DCC: variants seen among roughly 807,000 people sequenced by gnomAD.
The protein encoded by DCC is DCC netrin 1 receptor.
A neutral mutation model predicts 172.5 loss-of-function variants in DCC; 58 were observed. That is an observed-to-expected ratio of 0.34 (90% CI 0.27 to 0.42). The LOEUF (loss-of-function observed/expected upper bound fraction) is 0.42, where lower values mean the gene tolerates loss of function less well. DCC is among the 10% of genes least tolerant of loss of function. The pLI is 1.00. For missense variants in DCC, 1,740 were observed against 1,791.0 expected (o/e 0.97, Z 0.51); for synonymous variants, 709 against 644.5 (o/e 1.10, Z -1.52).
intron 1 of DCC, among the ~76,000 whole-genome samples, chr18:52,349,449 C>G (rs1029062207): frequency 6.6e-6 from 1 of 152,166 alleles, no homozygotes; most frequent in Non-Finnish European, 1.5e-5. Context: ...GAAGAATCTG[C>G]AAAGCTTTTC....
At position 52,403,263 on chromosome 18, in the gene DCC, A is replaced by G. The variant is rs531307016; in HGVS notation, c.91+62385A>G. On this transcript the variant is annotated intron_variant, in intron 1 of 28. Transcript: ENST00000442544. ...ACAAGGTAGGCCAGATCCTGGTGAC[A>G]TATCTCAGATTTGTCTTTGTTGTTG... is the stretch of plus-strand genomic sequence containing the variant. Among the ~76,000 whole-genome samples the G allele has an allele frequency of 4.6e-5, 7 of 152,136 alleles. No individual in the cohort carries two copies. In the South Asian group the frequency reaches 1.5e-3, roughly 32 times the overall value.
chr18:52,804,014 G>A (rs898967161), intron 2 of DCC, among the ~76,000 whole-genome samples: 22 of 152,264 alleles, frequency 1.4e-4, no homozygotes, highest in Middle Eastern at 6.8e-3. Flanking sequence ...ACCTGGACTC[G>A]GGCGTCTGGG....
At chr18:53,373,281 A>G (rs1171045538) in intron 15 of DCC, among the ~76,000 whole-genome samples, 1 of 152,148 alleles carries the variant, frequency 6.6e-6, no homozygotes, top group Admixed American at 6.6e-5. Context: ...GAATTTTACT[A>G]TGAATAGATC....
At chr18:52,462,319 A>G (rs1339643860) in intron 1 of DCC, among the ~76,000 whole-genome samples, 1 of 151,962 alleles carries the variant, frequency 6.6e-6, no homozygotes, top group African/African-American at 2.4e-5. Context: ...ATGACTTCCC[A>G]CCTCAGTCAA....
intron 12 of DCC, among the ~76,000 whole-genome samples, chr18:53,254,301 G>A (rs896561060): frequency 6.6e-6 from 1 of 152,018 alleles, no homozygotes; most frequent in Non-Finnish European, 1.5e-5. Context: ...AAGATAATGG[G>A]TTTCAGATTC....
intron 2 of DCC, among the ~76,000 whole-genome samples, chr18:52,816,142 A>T (rs1021476284): frequency 2.6e-5 from 4 of 152,228 alleles, no homozygotes; most frequent in African/African-American, 9.6e-5. Flanking sequence ...AAACTAAGGC[A>T]CAGTGAATCA....
intron 1 of DCC, among the ~76,000 whole-genome samples, chr18:52,477,449 G>T (rs190978474): frequency 6.6e-6 from 1 of 152,052 alleles, no homozygotes; most frequent in African/African-American, 2.4e-5. Context: ...GAAAATTGTC[G>T]GAATCAAAAT....
At chr18:52,863,196 G>A (rs1164309586) in intron 2 of DCC, among the ~76,000 whole-genome samples, 2 of 151,764 alleles carry the variant, frequency 1.3e-5, no homozygotes, top group African/African-American at 4.8e-5. Context: ...ACATTCTCAT[G>A]CTTTCTTATA....
intron 24 of DCC, among the ~76,000 whole-genome samples, chr18:53,460,296 T>G (rs1380081056): frequency 2.8e-5 from 4 of 144,790 alleles, no homozygotes; most frequent in Admixed American, 6.9e-5. Flanking sequence ...TTTTTTTTTT[T>G]TTTTTTTAAG....
chr18:53,502,752 A>T (rs756802501), intron 27 of DCC, among the ~76,000 whole-genome samples: 19 of 152,186 alleles, frequency 1.2e-4, no homozygotes, highest in Non-Finnish European at 2.4e-4. Flanking sequence ...TCTAATTTTT[A>T]AAAATGAGAA....
intron 2 of DCC, among the ~76,000 whole-genome samples, chr18:52,874,339 G>A (rs576682605): frequency 9.2e-5 from 14 of 152,084 alleles, no homozygotes; most frequent in South Asian, 4.2e-4. Context: ...AATGATTTTC[G>A]AAATGGCCAT....
At chr18:53,405,895 G>T (rs1024795163) in intron 19 of DCC, among the ~76,000 whole-genome samples, 5 of 152,038 alleles carry the variant, frequency 3.3e-5, no homozygotes, top group Non-Finnish European at 4.4e-5. Flanking sequence ...TTAAAACTCA[G>T]GTTTATACTC....
intron 2 of DCC, among the ~76,000 whole-genome samples, chr18:52,855,822 A>G (rs181728364): frequency 1.6e-3 from 244 of 149,050 alleles, no homozygotes; most frequent in Non-Finnish European, 2.3e-3. Context: ...CTGGAGTACA[A>G]TGGTGCGATT....
At chr18:53,237,581 A>G (rs1053713458) in intron 12 of DCC, among the ~76,000 whole-genome samples, 1 of 152,114 alleles carries the variant, frequency 6.6e-6, no homozygotes, top group Admixed American at 6.6e-5. Flanking sequence ...GGTTTGCTAT[A>G]TTAACCTAGT....
At chr18:52,563,532 G>A (rs1490105550) in intron 1 of DCC, among the ~76,000 whole-genome samples, 1 of 152,116 alleles carries the variant, frequency 6.6e-6, no homozygotes, top group Non-Finnish European at 1.5e-5. Flanking sequence ...TGGGAAAAAT[G>A]ATCTTTTGAC....
At chr18:53,436,946 C>T (rs910203764) in intron 22 of DCC, among the ~76,000 whole-genome samples, 35 of 152,122 alleles carry the variant, frequency 2.3e-4, no homozygotes, top group African/African-American at 7.7e-4. Context: ...AAAGGGTGAG[C>T]AAGCTCCCTC....
chr18:53,511,845 C>A (rs542652332), intron 27 of DCC, among the ~76,000 whole-genome samples: 10 of 151,710 alleles, frequency 6.6e-5, no homozygotes, highest in Non-Finnish European at 1.5e-5. Context: ...TAGCACAGCA[C>A]GGCAGTCTGA....
At chr18:53,279,414 G>A (rs1015055584) in intron 12 of DCC, among the ~76,000 whole-genome samples, 8 of 148,196 alleles carry the variant, frequency 5.4e-5, no homozygotes, top group African/African-American at 1.5e-4. Flanking sequence ...ACCAAATACC[G>A]CATGTTTTCA....
At chr18:52,385,205 C>G (rs951039525) in intron 1 of DCC, among the ~76,000 whole-genome samples, 1 of 152,042 alleles carries the variant, frequency 6.6e-6, no homozygotes, top group Non-Finnish European at 1.5e-5. Flanking sequence ...TTTTCTTGTC[C>G]CAATAAAGTG....
Sources: gnomAD v4.1 joint callset for allele counts (sites outside exome capture counted in the v4.1 genomes callset) on GRCh38, gnomAD v4.1.1 for gene constraint, MANE v1.5 for transcripts, NCBI Gene and HGNC (gene_info 2026-07-23, HGNC 2026-07-21) for gene names.